Variants in LRRC7 observed in about 807,000 individuals in gnomAD.
LRRC7 encodes the protein leucine rich repeat containing 7, also known as leucine-rich repeat-containing protein 7.
A neutral mutation model predicts 175.7 loss-of-function variants in LRRC7; 23 were observed. The ratio of observed to expected loss-of-function variants is 0.13; its 90% CI spans 0.09 to 0.19. The LOEUF (loss-of-function observed/expected upper bound fraction) is 0.19. Among genes scored for constraint, LRRC7 ranks in the 10% least tolerant of loss-of-function variants. The probability of loss-of-function intolerance (pLI) is 1.00; values close to 1 mark genes in which losing one functional copy is unlikely to be tolerated. For synonymous variants in LRRC7, 685 were observed against 680.9 expected, an observed-to-expected ratio of 1.01 and a Z score of -0.09; for missense variants, 1,354 against 1,904.7, an observed-to-expected ratio of 0.71 and a Z score of 5.38.
At chr1:69,650,269 G>C (rs553467963) in intron 1 of LRRC7, among the ~76,000 whole-genome samples, 1 of 152,038 alleles carries the variant, frequency 6.6e-6, no homozygotes. Flanking sequence ...AGCCAGGCGC[G>C]GTGGCTCACG....
At chr1:69,978,168 T>G (rs1653021350) in intron 8 of LRRC7, among the ~76,000 whole-genome samples, 1 of 152,102 alleles carries the variant, frequency 6.6e-6, no homozygotes, top group Non-Finnish European at 1.5e-5. Context: ...CGTGGTGGCC[T>G]GTGCCTCGGG....
intron 1 of LRRC7, among the ~76,000 whole-genome samples, chr1:69,592,171 C>T (rs1348750904): frequency 6.6e-6 from 1 of 152,012 alleles, no homozygotes. Context: ...TTTCCCCTCC[C>T]TCACACACAT....
chr1:69,641,784 G>A (rs1370566953), intron 1 of LRRC7, among the ~76,000 whole-genome samples: 1 of 151,452 alleles, frequency 6.6e-6, no homozygotes, highest in Non-Finnish European at 1.5e-5. Context: ...TTTGTACATA[G>A]CATTGCTTGA....
chr1:69,643,237 C>T (rs571148247), intron 1 of LRRC7, among the ~76,000 whole-genome samples: 1 of 152,216 alleles, frequency 6.6e-6, no homozygotes, highest in Non-Finnish European at 1.5e-5. Context: ...ATCTTCTTTA[C>T]TTAGTCTACT....
rs758166495 is a variant in LRRC7, at chr1:69,688,992, G to A, written c.100+10514G>A. Among the ~76,000 whole-genome samples the A allele has an allele frequency of 8.5e-4, 130 of 152,120 alleles. 1 individual carries two copies. Among genetic ancestry groups the A allele is most frequent in the Non-Finnish European group, 2.6e-4 (18 of 68,024 alleles). On this transcript the variant is annotated intron_variant, in intron 2 of 26. Coordinates refer to ENST00000651989, the MANE Select transcript of LRRC7 (RefSeq NM_001370785.2). ...AATTGGAGCAAAGGATAGAGGAGGT[G>A]GTACTTGGGATATCAGGAATCAGGG...
chr1:70,049,148 T>G (rs1660561139), intron 22 of LRRC7, among the ~76,000 whole-genome samples: 4 of 152,142 alleles, frequency 2.6e-5, no homozygotes, highest in African/African-American at 7.2e-5. Flanking sequence ...GAAATATATG[T>G]AATAAATTAT....
chr1:69,850,443 G>C (rs971695268), intron 7 of LRRC7, among the ~76,000 whole-genome samples: 1 of 152,052 alleles, frequency 6.6e-6, no homozygotes, highest in Non-Finnish European at 1.5e-5. Flanking sequence ...TTTGATCTTA[G>C]CTTTACAATG....
intron 7 of LRRC7, among the ~76,000 whole-genome samples, chr1:69,841,322 A>G (rs543711826): frequency 5.6e-4 from 85 of 152,194 alleles, no homozygotes; most frequent in African/African-American, 2.0e-3. Context: ...TGGTCTTCTT[A>G]TAATCTAAAC....
At chr1:69,834,953 G>A (rs1680939737) in intron 6 of LRRC7, 84 bp downstream of exon 6, 2 of 1,003,064 alleles carry the variant, frequency 2.0e-6, no homozygotes, top group Non-Finnish European at 1.5e-6. Context: ...GACTTCAAAA[G>A]TGTCAGTTGT....
intron 2 of LRRC7, among the ~76,000 whole-genome samples, chr1:69,749,258 A>T (rs1669568300): frequency 6.6e-6 from 1 of 152,210 alleles, no homozygotes; most frequent in African/African-American, 2.4e-5. Flanking sequence ...TGTATATGCC[A>T]CTACTTAGTA....
chr1:69,717,869 AG>A (rs1665714811), intron 2 of LRRC7, among the ~76,000 whole-genome samples: 1 of 133,342 alleles, frequency 7.5e-6, no homozygotes, highest in Non-Finnish European at 1.6e-5. Flanking sequence ...AAAGAAAGAA[AG>A]AAAGAAAGAG....
chr1:69,681,180 C>T (rs1660441602), intron 2 of LRRC7, among the ~76,000 whole-genome samples: 2 of 152,086 alleles, frequency 1.3e-5, no homozygotes, highest in South Asian at 4.1e-4. Flanking sequence ...TAGTTTAACA[C>T]AATGGCCTAG....
intron 7 of LRRC7, chr1:69,920,188 G>T (rs3738120): frequency 0.048 from 8,184 of 171,124 alleles, 246 homozygotes; most frequent in East Asian, 0.15. Flanking sequence ...AGATGCGAGG[G>T]CCCAGAGTTG....
chr1:69,978,260 G>A (rs1307904728), intron 8 of LRRC7, among the ~76,000 whole-genome samples: 1 of 148,978 alleles, frequency 6.7e-6, no homozygotes, highest in Non-Finnish European at 1.5e-5. Flanking sequence ...TCCAGCCTGG[G>A]TGACAGAGTG....
At chr1:69,897,238 T>G (rs1168720151) in intron 7 of LRRC7, among the ~76,000 whole-genome samples, 1 of 152,208 alleles carries the variant, frequency 6.6e-6, no homozygotes, top group African/African-American at 2.4e-5. Context: ...ACTTCAGTAC[T>G]CATGCTTTTA....
intron 7 of LRRC7, among the ~76,000 whole-genome samples, chr1:69,857,798 G>C (rs997223320): frequency 2.6e-5 from 4 of 152,130 alleles, no homozygotes; most frequent in African/African-American, 9.7e-5. Flanking sequence ...AGCCCACATT[G>C]CCAAGACAAT....
At chr1:69,697,073 CA>C (rs1258262673) in intron 2 of LRRC7, among the ~76,000 whole-genome samples, 1 of 152,178 alleles carries the variant, frequency 6.6e-6, no homozygotes, top group East Asian at 1.9e-4. Context: ...TTTCAAGCAT[CA>C]AGATTCCATT....
At chr1:69,833,509 C>A (rs1012970478) in intron 5 of LRRC7, among the ~76,000 whole-genome samples, 1 of 151,700 alleles carries the variant, frequency 6.6e-6, no homozygotes, top group Non-Finnish European at 1.5e-5. Flanking sequence ...CGTATATGTA[C>A]GTACACACAC....
At chr1:69,595,151 A>G (rs1213559290) in intron 1 of LRRC7, among the ~76,000 whole-genome samples, 1 of 152,128 alleles carries the variant, frequency 6.6e-6, no homozygotes, top group Admixed American at 6.5e-5. Flanking sequence ...AAACTAAGAC[A>G]CAAGCATGTT....
Sources: allele counts gnomAD v4.1 joint callset (sites outside exome capture counted in the v4.1 genomes callset), GRCh38; gene constraint gnomAD v4.1.1; transcripts MANE v1.5; gene names NCBI Gene and HGNC (gene_info 2026-07-23, HGNC 2026-07-21).